The following FBXO38 variants were observed in gnomAD, a reference collection of about 807,000 sequenced individuals.
FBXO38 encodes F-box only protein 38.
Under a neutral mutation model 131.9 loss-of-function variants are expected in FBXO38, and 53 were observed. The observed-to-expected ratio is 0.40, with a 90% CI of 0.32 to 0.51. FBXO38 has a LOEUF of 0.51. FBXO38 is among the 20% of genes least tolerant of loss of function. The pLI, the probability that FBXO38 is intolerant of heterozygous loss-of-function variation, is 0.53. For missense variants in FBXO38, 1,076 were observed against 1,475.6 expected (o/e 0.73, Z 4.44); for synonymous variants, 452 against 505.6 (o/e 0.89, Z 1.42).
chr5:148,406,463 T>A, intron 7 of FBXO38, 69 bp downstream of exon 7: 1 of 1,279,024 alleles, frequency 7.8e-7, no homozygotes. Flanking sequence ...AGCTTTTATT[T>A]AACTTCCCTG....
chr5:148,392,820 A>C lies in FBXO38; in HGVS notation c.-63-1894A>C, dbSNP rs77164684. On this transcript the variant is annotated intron_variant, in intron 1 of 21. Transcript: ENST00000340253. ...ATAATACAAATGGGTCAGATGGGGA[A>C]GCACTGGAAAGAGGCTATTGGATTT... Among the ~76,000 whole-genome samples, 943 of 152,238 alleles carry C rather than the reference A, an allele frequency of 6.2e-3. 16 individuals are homozygous for C. The highest frequency in any genetic ancestry group is 0.022 in the African/African-American group (904 of 41,530).
intron 12 of FBXO38, among the ~76,000 whole-genome samples, chr5:148,420,189 C>G (rs1247529787): frequency 6.7e-6 from 1 of 149,048 alleles, no homozygotes; most frequent in Non-Finnish European, 1.5e-5. Flanking sequence ...GTGGCATGAT[C>G]ATAGCTCACT....
intron 12 of FBXO38, among the ~76,000 whole-genome samples, chr5:148,420,114 GT>G (rs573859657): frequency 5.4e-5 from 8 of 148,894 alleles, no homozygotes; most frequent in African/African-American, 7.4e-5. Flanking sequence ...AATGATTACA[GT>G]TTTTTTGTGG....
At position 148,414,149 on chromosome 5, in the gene FBXO38, T is replaced by C; in HGVS notation, c.1107T>C (p.Asn369=). Residue 369 remains asparagine (N), a synonymous_variant, in exon 10 of 22, where the codon AAT becomes AAC. Coordinates refer to ENST00000340253, the MANE Select transcript of FBXO38 (RefSeq NM_205836.3). ...TGCTCTTTTTAGGCAGAATGGCTAA[T>C]GCGGATCTGGTGAAGTATGGTTTGG... ...DEFLLQSRMA[N]ADLVKYGLAD... is the part of the protein sequence containing the mutation. 1 of 1,607,402 alleles carries C rather than the reference T, an allele frequency of 6.2e-7. No individual in the cohort carries two copies. The highest frequency in any genetic ancestry group is 8.5e-7 in the Non-Finnish European group (1 of 1,178,076).
intron 12 of FBXO38, among the ~76,000 whole-genome samples, chr5:148,420,638 C>T (rs1753359332): frequency 6.6e-6 from 1 of 152,148 alleles, no homozygotes; most frequent in Non-Finnish European, 1.5e-5. Context: ...AATACAGCGT[C>T]ATTCCCTCAT....
intron 1 of FBXO38, among the ~76,000 whole-genome samples, chr5:148,387,750 C>T (rs950684607): frequency 1.5e-5 from 2 of 137,658 alleles, no homozygotes; most frequent in South Asian, 2.2e-4. Flanking sequence ...CGAGTGCAGT[C>T]GTACGATCTT....
intron 1 of FBXO38, among the ~76,000 whole-genome samples, chr5:148,385,637 T>C (rs2113467965): frequency 6.6e-6 from 1 of 152,204 alleles, no homozygotes; most frequent in South Asian, 2.1e-4. Context: ...TTTGTTTTGT[T>C]TGTGTGTGGT....
At chr5:148,394,071 C>G (rs1371542341) in intron 1 of FBXO38, among the ~76,000 whole-genome samples, 2 of 152,136 alleles carry the variant, frequency 1.3e-5, no homozygotes, top group African/African-American at 4.8e-5. Flanking sequence ...TCAATATTCA[C>G]AAGAGAGGGA....
At chr5:148,407,254 G>C (rs1189833256) in intron 7 of FBXO38, among the ~76,000 whole-genome samples, 1 of 152,148 alleles carries the variant, frequency 6.6e-6, no homozygotes, top group Non-Finnish European at 1.5e-5. Flanking sequence ...ACGAAAAGAA[G>C]GCTACTGGTG....
chr5:148,404,906 C>A, intron 6 of FBXO38, 84 bp downstream of exon 6: 5 of 1,185,898 alleles, frequency 4.2e-6, no homozygotes, highest in Middle Eastern at 2.7e-4. Flanking sequence ...TTTGTAAATA[C>A]AATTATATTA....
intron 1 of FBXO38, among the ~76,000 whole-genome samples, chr5:148,388,150 G>A (rs543306647): frequency 6.6e-6 from 1 of 152,258 alleles, no homozygotes; most frequent in African/African-American, 2.4e-5. Context: ...CATTGTCAAT[G>A]AACAGTAATA....
chr5:148,439,320 A>G (rs1238299250), intron 18 of FBXO38, among the ~76,000 whole-genome samples: 2 of 152,256 alleles, frequency 1.3e-5, no homozygotes, highest in African/African-American at 2.4e-5. Context: ...TCACAGTTCT[A>G]TAATGCAGTC....
intron 1 of FBXO38, among the ~76,000 whole-genome samples, chr5:148,386,768 A>G (rs914404707): frequency 2.0e-5 from 3 of 152,190 alleles, no homozygotes; most frequent in African/African-American, 7.2e-5. Flanking sequence ...GTTCCAGACT[A>G]CTGCAATAAA....
chr5:148,424,021 G>C lies in FBXO38; in HGVS notation c.1642G>C (p.Val548Leu), dbSNP rs751449877. Residue 548 changes from valine to leucine, a missense_variant, in exon 13 of 22, where the codon GTC becomes CTC. By Grantham distance (32) the Val-to-Leu change is conservative. Coordinates refer to ENST00000340253, the MANE Select transcript of FBXO38 (RefSeq NM_205836.3). Reference protein sequence around the residue: ...ADALNEMEDIVQEDGEVVAES... With the variant: ...ADALNEMEDILQEDGEVVAES... ...AGCATTAAATGAGATGGAAGACATCGTCCAAGAAGATGGAGAGGTGGTGGC... is the reference window on the plus strand; with the variant it reads ...AGCATTAAATGAGATGGAAGACATCCTCCAAGAAGATGGAGAGGTGGTGGC... 1 of 1,612,940 alleles carries C rather than the reference G, an allele frequency of 6.2e-7. No homozygotes were observed. Among genetic ancestry groups the C allele is most frequent in the East Asian group, 2.2e-5 (1 of 44,858 alleles).
chr5:148,417,597 C>T (rs1346890386), intron 12 of FBXO38, among the ~76,000 whole-genome samples: 2 of 152,112 alleles, frequency 1.3e-5, no homozygotes, highest in African/African-American at 4.8e-5. Context: ...AGATTAATAC[C>T]AACCATGGGC....
rs1752209871 is a variant in FBXO38, at chr5:148,402,446, T to C, written c.525T>C (p.Phe175=). The change falls in exon 5 of 22, where the codon TTT becomes TTC. Residue 175 remains phenylalanine (F), a synonymous_variant. Coordinates refer to ENST00000340253, the MANE Select transcript of FBXO38 (RefSeq NM_205836.3). The stretch of plus-strand genomic sequence containing the variant: ...AATTTCGTAATCGTAATGGAGCTTT[T>C]CCAATTCCTCCTGAAAATAAACTGA... ...LGKFRNRNGA[F]PIPPENKLKI... 9 of 1,612,988 alleles carry C rather than the reference T, an allele frequency of 5.6e-6. No homozygotes were observed. The Middle Eastern group carries it at 5.1e-4, about 92-fold the overall frequency.
chr5:148,435,812 C>G (rs1754318553), intron 17 of FBXO38, among the ~76,000 whole-genome samples: 1 of 152,080 alleles, frequency 6.6e-6, no homozygotes, highest in South Asian at 2.1e-4. Flanking sequence ...GTGACTCTTC[C>G]TTTTACTTGA....
At chr5:148,406,618 CAT>C (rs1320916276) in intron 7 of FBXO38, among the ~76,000 whole-genome samples, 1 of 152,036 alleles carries the variant, frequency 6.6e-6, no homozygotes, top group Non-Finnish European at 1.5e-5. Context: ...AGTGATAAGA[CAT>C]GTTTTCTGGC....
intron 1 of FBXO38, among the ~76,000 whole-genome samples, chr5:148,392,674 G>A (rs1418415679): frequency 6.6e-6 from 1 of 151,264 alleles, no homozygotes; most frequent in African/African-American, 2.4e-5. Flanking sequence ...GGAGAAGAGG[G>A]CTCGAGGATA....
Sources: allele counts gnomAD v4.1 joint callset (sites outside exome capture counted in the v4.1 genomes callset), GRCh38; gene constraint gnomAD v4.1.1; transcripts MANE v1.5; gene names NCBI Gene and HGNC (gene_info 2026-07-23, HGNC 2026-07-21).